Variants in TENM3 observed in about 807,000 individuals in gnomAD.
The protein encoded by TENM3 is teneurin transmembrane protein 3, also known as teneurin-3.
TENM3 carries 63 observed loss-of-function variants against 255.1 expected under a neutral mutation model. That is an observed-to-expected ratio of 0.25 (90% CI 0.20 to 0.30). The LOEUF (loss-of-function observed/expected upper bound fraction) is 0.30, where lower values mean the gene tolerates loss of function less well. TENM3 is among the 10% of genes least tolerant of loss of function. The probability of loss-of-function intolerance (pLI) is 1.00; values close to 1 mark genes in which losing one functional copy is unlikely to be tolerated. For missense variants in TENM3, 2,929 were observed against 3,461.1 expected (o/e 0.85, Z 3.86); for synonymous variants, 1,306 against 1,322.3 (o/e 0.99, Z 0.27).
At chr4:182,459,777 T>C (rs1002387067) in intron 3 of TENM3, among the ~76,000 whole-genome samples, 1 of 152,174 alleles carries the variant, frequency 6.6e-6, no homozygotes, top group Non-Finnish European at 1.5e-5. Context: ...TCTATTAATA[T>C]TAGTCATTAA....
the TENM3 span, among the ~76,000 whole-genome samples, chr4:181,612,252 A>G: frequency 6.6e-6 from 1 of 152,320 alleles, no homozygotes; most frequent in Non-Finnish European, 1.5e-5. Flanking sequence ...AGCATAGGTC[A>G]TGGAACTAGT....
At chr4:181,881,804 GC>G in the TENM3 span, among the ~76,000 whole-genome samples, 1 of 152,104 alleles carries the variant, frequency 6.6e-6, no homozygotes, top group Non-Finnish European at 1.5e-5. Context: ...TGAAGTGGTT[GC>G]AAAAATTGTA....
the TENM3 span, among the ~76,000 whole-genome samples, chr4:181,958,467 A>G: frequency 6.6e-6 from 1 of 152,218 alleles, no homozygotes; most frequent in Non-Finnish European, 1.5e-5. Context: ...CTGTGTCAAT[A>G]ATACAGTAAT....
chr4:181,810,314 G>A, the TENM3 span, among the ~76,000 whole-genome samples: 3 of 152,132 alleles, frequency 2.0e-5, no homozygotes, highest in Non-Finnish European at 4.4e-5. Flanking sequence ...AGCTGTGTAC[G>A]ATCCTCTGCA....
Position 182,624,128 on chromosome 4 carries a change from A to G in TENM3, c.750-4523A>G, listed in dbSNP as rs948966477. On this transcript the variant is annotated intron_variant, in intron 4 of 27. Transcript: ENST00000511685. ...CGGGGAGGCCAGGAGCAGGGCCTTC[A>G]TCCCTGGGACATGGTATATCTTCAG... 2.7e-4 allele frequency among the ~76,000 whole-genome samples: 41 copies of G among 152,140 alleles called. 2 individuals carry two copies. The highest frequency in any genetic ancestry group is 4.4e-5 in the Non-Finnish European group (3 of 68,016).
the TENM3 span, among the ~76,000 whole-genome samples, chr4:181,800,838 A>G: frequency 6.6e-6 from 1 of 152,160 alleles, no homozygotes; most frequent in Non-Finnish European, 1.5e-5. Flanking sequence ...GTACTTACTA[A>G]CTGTAACCTG....
At chr4:181,534,720 C>T in the TENM3 span, among the ~76,000 whole-genome samples, 5 of 152,116 alleles carry the variant, frequency 3.3e-5, no homozygotes, top group Admixed American at 6.6e-5. Flanking sequence ...GCAGAAACCC[C>T]GCTGGAGTCA....
chr4:182,360,080 G>A (rs1765852474), intron 3 of TENM3, among the ~76,000 whole-genome samples: 2 of 151,834 alleles, frequency 1.3e-5, no homozygotes, highest in Non-Finnish European at 2.9e-5. Flanking sequence ...ACTGTGGTCT[G>A]AGAGATAGTT....
chr4:181,451,636 G>A, the TENM3 span, among the ~76,000 whole-genome samples: 1 of 152,178 alleles, frequency 6.6e-6, no homozygotes, highest in Non-Finnish European at 1.5e-5. Flanking sequence ...GGATCAGAAA[G>A]AGAATGGATT....
intron 24 of TENM3, among the ~76,000 whole-genome samples, chr4:182,779,197 T>C (rs1764959185): frequency 6.6e-6 from 1 of 151,794 alleles, no homozygotes; most frequent in Non-Finnish European, 1.5e-5. Flanking sequence ...CCCAATGCTA[T>C]CCCTCCCCGC....
At chr4:181,693,140 G>T in the TENM3 span, among the ~76,000 whole-genome samples, 1 of 152,182 alleles carries the variant, frequency 6.6e-6, no homozygotes, top group East Asian at 1.9e-4. Context: ...ATAAACAACT[G>T]GTTCTTACAT....
intron 1 of TENM3, chr4:182,169,501 G>A (rs1245161219): frequency 3.6e-6 from 1 of 277,778 alleles, no homozygotes; most frequent in Non-Finnish European, 7.1e-6. Flanking sequence ...TATGTGAGGA[G>A]CTTTTTAGAG....
chr4:182,686,699 A>T (rs991829082), intron 11 of TENM3, among the ~76,000 whole-genome samples: 6 of 152,148 alleles, frequency 3.9e-5, no homozygotes, highest in African/African-American at 1.4e-4. Context: ...CTTCAATTAA[A>T]TTAACTCTAA....
the TENM3 span, among the ~76,000 whole-genome samples, chr4:181,926,845 G>A: frequency 6.6e-6 from 1 of 151,774 alleles, no homozygotes; most frequent in Non-Finnish European, 1.5e-5. Context: ...TAGACAGTGG[G>A]TGCAGACCAC....
the TENM3 span, among the ~76,000 whole-genome samples, chr4:181,835,943 T>A: frequency 6.6e-6 from 1 of 152,162 alleles, no homozygotes; most frequent in African/African-American, 2.4e-5. Context: ...CCCAAACCCT[T>A]GGTCATTTTG....
chr4:182,430,309 G>A (rs1417098480), intron 3 of TENM3, among the ~76,000 whole-genome samples: 1 of 152,164 alleles, frequency 6.6e-6, no homozygotes, highest in East Asian at 1.9e-4. Context: ...AGCACTTTAG[G>A]AGGCCGAGGC....
At chr4:181,755,436 TA>T in the TENM3 span, among the ~76,000 whole-genome samples, 4 of 152,138 alleles carry the variant, frequency 2.6e-5, no homozygotes, top group Non-Finnish European at 5.9e-5. Flanking sequence ...ATTAAAAATC[TA>T]TTATACCTTG....
chr4:182,658,850 C>A (rs1561066977), intron 6 of TENM3, among the ~76,000 whole-genome samples: 1 of 152,228 alleles, frequency 6.6e-6, no homozygotes, highest in Non-Finnish European at 1.5e-5. Flanking sequence ...CTGAGCTCAA[C>A]TGTAGTCACC....
intron 4 of TENM3, among the ~76,000 whole-genome samples, chr4:182,611,170 A>G (rs1395904213): frequency 6.6e-6 from 1 of 152,082 alleles, no homozygotes; most frequent in African/African-American, 2.4e-5. Context: ...TCTTCTAGTA[A>G]TGATCTCCAA....
Sources: allele counts gnomAD v4.1 joint callset (sites outside exome capture counted in the v4.1 genomes callset), GRCh38; gene constraint gnomAD v4.1.1; transcripts MANE v1.5; gene names NCBI Gene and HGNC (gene_info 2026-07-23, HGNC 2026-07-21).